SGMS1: variants seen among roughly 807,000 people sequenced by gnomAD.
SGMS1 encodes sphingomyelin synthase 1.
In SGMS1, 13 loss-of-function variants were observed where a neutral mutation model predicts 46.2. The observed-to-expected ratio is 0.28, with a 90% CI of 0.18 to 0.45. The LOEUF is 0.45. Ranked by LOEUF, SGMS1 falls within the 20% of genes least tolerant of loss-of-function variation. SGMS1 has a pLI of 1.00. For synonymous variants in SGMS1, 203 were observed against 187.8 expected, an observed-to-expected ratio of 1.08 and a Z score of -0.66; for missense variants, 324 against 519.9, an observed-to-expected ratio of 0.62 and a Z score of 3.66.
At chr10:50,390,814 C>A (rs902100570) in intron 6 of SGMS1, among the ~76,000 whole-genome samples, 4 of 152,134 alleles carry the variant, frequency 2.6e-5, no homozygotes, top group African/African-American at 9.7e-5. Context: ...TATCTTGAGT[C>A]TCCAGGAAAA....
intron 6 of SGMS1, among the ~76,000 whole-genome samples, chr10:50,378,387 G>T (rs1848549178): frequency 6.6e-6 from 1 of 152,102 alleles, no homozygotes; most frequent in East Asian, 1.9e-4. Context: ...TAGAACCTAT[G>T]GCTAAAAATT....
At chr10:50,412,564 G>T (rs908207839) in intron 6 of SGMS1, among the ~76,000 whole-genome samples, 1 of 152,300 alleles carries the variant, frequency 6.6e-6, no homozygotes, top group South Asian at 2.1e-4. Flanking sequence ...GACAGAAAGG[G>T]TGATCACATG....
intron 5 of SGMS1, among the ~76,000 whole-genome samples, chr10:50,435,344 G>A (rs1849461816): frequency 6.6e-6 from 1 of 152,162 alleles, no homozygotes; most frequent in Non-Finnish European, 1.5e-5. Context: ...TGCAATTACT[G>A]TGCTCACTAG....
chr10:50,472,765 T>C (rs1275685516), intron 3 of SGMS1: 1 of 152,218 alleles, frequency 6.6e-6, no homozygotes, highest in Non-Finnish European at 1.5e-5. Flanking sequence ...GTTTCCATGA[T>C]GATTGTATTA....
At chr10:50,533,828 T>C (rs1564425958) in intron 2 of SGMS1, among the ~76,000 whole-genome samples, 3 of 152,138 alleles carry the variant, frequency 2.0e-5, no homozygotes, top group Non-Finnish European at 4.4e-5. Flanking sequence ...CAGAAATGGC[T>C]AATGAACACA....
At chr10:50,451,251 T>A (rs1200493723) in intron 5 of SGMS1, among the ~76,000 whole-genome samples, 1 of 152,198 alleles carries the variant, frequency 6.6e-6, no homozygotes, top group East Asian at 1.9e-4. Flanking sequence ...CATAATGTAG[T>A]CTTATGTTAG....
intron 6 of SGMS1, among the ~76,000 whole-genome samples, chr10:50,387,788 C>T (rs1184014141): frequency 6.6e-6 from 1 of 152,208 alleles, no homozygotes; most frequent in African/African-American, 2.4e-5. Flanking sequence ...GGCTCAGAGA[C>T]TCCAGCACAG....
At chr10:50,353,830 C>A (rs1589401646) in intron 6 of SGMS1, among the ~76,000 whole-genome samples, 1 of 152,140 alleles carries the variant, frequency 6.6e-6, no homozygotes, top group African/African-American at 2.4e-5. Context: ...GAGTGAACTC[C>A]CATTCACAAT....
chr10:50,623,901 G>A lies in SGMS1; in HGVS notation c.-878C>T, dbSNP rs1354504795. On this transcript the variant is annotated 5_prime_UTR_variant, in exon 1 of 11. Coordinates refer to ENST00000361781, the MANE Select transcript of SGMS1 (RefSeq NM_147156.4). ...ACCTGCCCGCCGCCTGCCGCCCGCA[G>A]CCGCTGCCCCGCTGGTGCGAACGCT... 24 of 986,972 alleles carry A rather than the reference G, an allele frequency of 2.4e-5. No individual in the cohort carries two copies. Among genetic ancestry groups the A allele is most frequent in the Non-Finnish European group, 2.8e-5 (23 of 831,356 alleles). 61.1% of individuals were successfully genotyped at this position (986,972 alleles called of 1,614,324 possible).
intron 6 of SGMS1, among the ~76,000 whole-genome samples, chr10:50,427,380 C>T (rs187656423): frequency 5.8e-4 from 88 of 152,326 alleles, no homozygotes; most frequent in African/African-American, 2.0e-3. Context: ...GCCTGTGTAA[C>T]AGAGCGAGAC....
intron 8 of SGMS1, among the ~76,000 whole-genome samples, chr10:50,321,872 C>T (rs1041629230): frequency 2.0e-5 from 3 of 152,198 alleles, no homozygotes; most frequent in African/African-American, 7.2e-5. Flanking sequence ...TAAGACTGAA[C>T]TTGTGCCAGC....
At chr10:50,604,300 G>A (rs1838674337) in intron 1 of SGMS1, among the ~76,000 whole-genome samples, 1 of 152,150 alleles carries the variant, frequency 6.6e-6, no homozygotes, top group African/African-American at 2.4e-5. Flanking sequence ...CTCACCACCA[G>A]GGCTGAACCG....
intron 8 of SGMS1, among the ~76,000 whole-genome samples, chr10:50,316,845 C>T (rs1405132444): frequency 6.6e-6 from 1 of 152,182 alleles, no homozygotes; most frequent in Non-Finnish European, 1.5e-5. Flanking sequence ...ACACCTTACA[C>T]ACTGTGGTGT....
Position 50,526,237 on chromosome 10 carries a change from C to A in SGMS1, c.-588-6316G>T, listed in dbSNP as rs183960334. ...GGAAACTTACAATCACGGCAGAAGG[C>A]GAAAGGGAAGCAAGCACCTTCTTCT... On this transcript the variant is annotated intron_variant, in intron 2 of 10. Transcript: ENST00000361781. 4.8e-3 allele frequency among the ~76,000 whole-genome samples: 735 copies of A among 152,148 alleles called. 5 individuals are homozygous for A. Among genetic ancestry groups the A allele is most frequent in the African/African-American group, 0.017 (690 of 41,510 alleles).
At chr10:50,564,792 G>GT (rs142564765) in intron 2 of SGMS1, among the ~76,000 whole-genome samples, 1,728 of 151,010 alleles carry the variant, frequency 0.011, 41 homozygotes, top group African/African-American at 0.04. Context: ...TATTTTTTAA[G>GT]TTTTTTTTTC....
intron 5 of SGMS1, among the ~76,000 whole-genome samples, chr10:50,443,425 GAGAAGA>G (rs1849570172): frequency 6.6e-6 from 1 of 151,916 alleles, no homozygotes; most frequent in South Asian, 2.1e-4. Flanking sequence ...GACAACATAT[GAGAAGA>G]AGAAGAGGAA....
intron 3 of SGMS1, among the ~76,000 whole-genome samples, chr10:50,468,558 G>T (rs1352173348): frequency 6.6e-6 from 1 of 152,202 alleles, no homozygotes; most frequent in Non-Finnish European, 1.5e-5. Context: ...ATGGCACTGT[G>T]TGCTTTCCCA....
At chr10:50,338,896 C>T (rs971140066) in intron 7 of SGMS1, among the ~76,000 whole-genome samples, 9 of 152,228 alleles carry the variant, frequency 5.9e-5, no homozygotes, top group African/African-American at 2.2e-4. Flanking sequence ...TGTGCCATCA[C>T]GCCCAGCTAA....
chr10:50,551,553 A>G (rs991494535), intron 2 of SGMS1, among the ~76,000 whole-genome samples: 4 of 151,980 alleles, frequency 2.6e-5, no homozygotes, highest in African/African-American at 4.8e-5. Context: ...TCAATATTGG[A>G]TCATTAGTTA....
Sources: gnomAD v4.1 joint callset for allele counts (sites outside exome capture counted in the v4.1 genomes callset) on GRCh38, gnomAD v4.1.1 for gene constraint, MANE v1.5 for transcripts, NCBI Gene and HGNC (gene_info 2026-07-23, HGNC 2026-07-21) for gene names.